Variants in PAFAH1B1 observed in about 807,000 individuals in gnomAD.
PAFAH1B1 encodes platelet-activating factor acetylhydrolase IB subunit beta.
A neutral mutation model predicts 57.5 loss-of-function variants in PAFAH1B1; 2 were observed. That is an observed-to-expected ratio of 0.03 (90% CI 0.01 to 0.11). The LOEUF is 0.11. Ranked by LOEUF, PAFAH1B1 falls within the 10% of genes least tolerant of loss-of-function variation. PAFAH1B1 has a pLI of 1.00. For missense variants in PAFAH1B1, 257 were observed against 512.0 expected (o/e 0.50, Z 4.81); for synonymous variants, 152 against 169.6 (o/e 0.90, Z 0.81).
chr17:2,653,969 C>T (rs1181717356), intron 2 of PAFAH1B1, among the ~76,000 whole-genome samples: 6 of 151,736 alleles, frequency 4.0e-5, no homozygotes, highest in South Asian at 2.1e-4. Context: ...CCACCATGCC[C>T]GGTTAATTTT....
chr17:2,595,580 C>G (rs1273437766), intron 1 of PAFAH1B1, among the ~76,000 whole-genome samples: 3 of 152,050 alleles, frequency 2.0e-5, no homozygotes, highest in Non-Finnish European at 4.4e-5. Context: ...CATTAGCTAG[C>G]TTTTAATCTC....
intron 2 of PAFAH1B1, among the ~76,000 whole-genome samples, chr17:2,663,973 G>A (rs984717442): frequency 1.3e-5 from 2 of 152,004 alleles, no homozygotes; most frequent in Non-Finnish European, 2.9e-5. Context: ...GATTACAGGC[G>A]TGAGCCACCG....
intron 1 of PAFAH1B1, among the ~76,000 whole-genome samples, chr17:2,626,060 G>GACCA (rs1045467715): frequency 1.3e-5 from 2 of 152,028 alleles, no homozygotes; most frequent in African/African-American, 4.8e-5. Context: ...GAACCAGCCT[G>GACCA]ACCAACATGG....
chr17:2,676,524 C>T lies in PAFAH1B1; in HGVS notation c.920C>T (p.Pro307Leu). The T allele has an allele frequency of 6.2e-7, 1 of 1,611,706 alleles. No individual in the cohort carries two copies. The highest frequency in any genetic ancestry group is 8.5e-7 in the Non-Finnish European group (1 of 1,178,214). ...TGSETKKSGK[P>L]GPFLLSGSRD... is the part of the protein sequence containing the mutation. ...CTGTAGACTAAAAAAAGTGGTAAAC[C>T]TGGGCCATTCTTGCTGTCTGGATCC... The change falls in exon 9 of 11, where the codon CCT (proline) becomes CTT (leucine). Residue 307 changes from proline (P) to leucine (L), a missense_variant. By Grantham distance (98) the Pro-to-Leu change is moderately conservative. Coordinates refer to ENST00000397195, the MANE Select transcript of PAFAH1B1 (RefSeq NM_000430.4).
chr17:2,613,252 C>A, intron 1 of PAFAH1B1: 1 of 182,918 alleles, frequency 5.5e-6, no homozygotes. Context: ...TTTGTGTGGC[C>A]CCACCCCCCA....
At chr17:2,638,456 T>C in intron 2 of PAFAH1B1, 136 bp downstream of exon 2, 1 of 706,142 alleles carries the variant, frequency 1.4e-6, no homozygotes, top group South Asian at 1.7e-5. Context: ...GTTTAGGCAG[T>C]TTGGTCTGAT....
intron 1 of PAFAH1B1, among the ~76,000 whole-genome samples, chr17:2,617,320 T>C (rs778143681): frequency 2.6e-5 from 4 of 152,204 alleles, no homozygotes; most frequent in African/African-American, 4.8e-5. Context: ...TCAAGGCTAA[T>C]CGTAAAATAG....
intron 2 of PAFAH1B1, among the ~76,000 whole-genome samples, chr17:2,658,868 G>A (rs1286633794): frequency 6.6e-6 from 1 of 152,196 alleles, no homozygotes; most frequent in East Asian, 1.9e-4. Context: ...GGGTACGTGA[G>A]GTTGGAGAAG....
intron 2 of PAFAH1B1, among the ~76,000 whole-genome samples, chr17:2,639,049 G>A (rs896312054): frequency 5.3e-5 from 8 of 152,008 alleles, no homozygotes; most frequent in African/African-American, 1.9e-4. Context: ...ACAGGTGACC[G>A]TCAACACGCC....
At chr17:2,662,777 C>T (rs902433194) in intron 2 of PAFAH1B1, among the ~76,000 whole-genome samples, 1 of 152,096 alleles carries the variant, frequency 6.6e-6, no homozygotes, top group African/African-American at 2.4e-5. Flanking sequence ...CTCTTTAATT[C>T]TAGTGACTGG....
rs1015851348 is a variant in PAFAH1B1, at chr17:2,684,100, C to T, written c.*2298C>T. On this transcript the variant is annotated 3_prime_UTR_variant, in exon 11 of 11. Transcript: ENST00000397195. ...AAAGTTATCCTTACTTGGGAGATTG[C>T]CACAGCCTGCTGCTGAGTTGAGTTA... 1 of 152,738 alleles carries T rather than the reference C, an allele frequency of 6.5e-6. No homozygotes were observed. The highest frequency in any genetic ancestry group is 6.5e-5 in the Admixed American group (1 of 15,294). The allele number at this position is 152,738 out of a possible 1,614,324, so 9.5% of individuals were successfully genotyped here.
chr17:2,600,997 G>A (rs2068136901), intron 1 of PAFAH1B1, among the ~76,000 whole-genome samples: 1 of 152,026 alleles, frequency 6.6e-6, no homozygotes, highest in Non-Finnish European at 1.5e-5. Context: ...GTCTGAAAGT[G>A]CTAGGATTAT....
At position 2,621,082 on chromosome 17, in the gene PAFAH1B1, TTC is replaced by T. The variant is rs200094400; in HGVS notation, c.-190-17015_-190-17014del. 2.3e-3 allele frequency among the ~76,000 whole-genome samples: 346 copies of T among 152,308 alleles called. 6 individuals are homozygous for T. The highest frequency in any genetic ancestry group is 0.019 in the Admixed American group (286 of 15,280). On this transcript the variant is annotated intron_variant, in intron 1 of 10. Coordinates refer to ENST00000397195, the MANE Select transcript of PAFAH1B1 (RefSeq NM_000430.4). ...ATAGTCATACATATTAATAAAAATC[TTC>T]TGTCTCATAAATGAATTTGAAAAAA...
Position 2,664,665 on chromosome 17 carries a change from G to GCGCGCTCT in PAFAH1B1, c.33-706_33-705insGCGCTCTC. 2.0e-3 allele frequency among the ~76,000 whole-genome samples: 171 copies of GCGCGCTCT among 86,058 alleles called. 3 individuals carry two copies. Among genetic ancestry groups the GCGCGCTCT allele is most frequent in the African/African-American group, 3.7e-3 (94 of 25,650 alleles). The allele number at this position is 86,058 out of a possible 152,430, so 56.5% of individuals were successfully genotyped here. A position where few individuals can be genotyped will look rare whatever the true frequency, so the allele number is the denominator to read the frequency against. Reference sequence around the variant, plus strand: ...TGATATATATCTATATCTATCTATCGCTCTCTCTCTCTCTCTCTCTCTCTC... The same window carrying GCGCGCTCT: ...TGATATATATCTATATCTATCTATCGCGCGCTCTCTCTCTCTCTCTCTCTCTCTCTCTC... On this transcript the variant is annotated intron_variant, in intron 2 of 10. Coordinates refer to ENST00000397195, the MANE Select transcript of PAFAH1B1 (RefSeq NM_000430.4).
chr17:2,638,804 G>A (rs948209781), intron 2 of PAFAH1B1, among the ~76,000 whole-genome samples: 1 of 152,126 alleles, frequency 6.6e-6, no homozygotes, highest in East Asian at 1.9e-4. Context: ...CACTTTGCCC[G>A]GCCGTGATAC....
Position 2,638,141 on chromosome 17 carries a change from T to G in PAFAH1B1, c.-148T>G. ...TGTTGAATATCTTCTGGTTACTAGT[T>G]GGATTCATTTGTGAAAGAATCATTT... On this transcript the variant is annotated 5_prime_UTR_variant, in exon 2 of 11. Transcript: ENST00000397195. 6 of 615,556 alleles carry G rather than the reference T, an allele frequency of 9.7e-6. No homozygotes were observed. The highest frequency in any genetic ancestry group is 1.5e-5 in the Non-Finnish European group (5 of 340,720). 38.1% of individuals were successfully genotyped at this position (615,556 alleles called of 1,614,324 possible).
At chr17:2,650,152 A>T (rs1369353292) in intron 2 of PAFAH1B1, among the ~76,000 whole-genome samples, 1 of 152,202 alleles carries the variant, frequency 6.6e-6, no homozygotes, top group Non-Finnish European at 1.5e-5. Context: ...TGGGAGGCCA[A>T]GGAGTTTGAG....
chr17:2,669,797 C>CT (rs753601732), intron 5 of PAFAH1B1, among the ~76,000 whole-genome samples: 2 of 152,104 alleles, frequency 1.3e-5, no homozygotes, highest in East Asian at 1.9e-4. Flanking sequence ...CTTTCCATCT[C>CT]TTTCTCTTTC....
chr17:2,655,896 A>AG (rs2068930252), intron 2 of PAFAH1B1, among the ~76,000 whole-genome samples: 1 of 152,110 alleles, frequency 6.6e-6, no homozygotes, highest in African/African-American at 2.4e-5. Flanking sequence ...GGTCAGCTGA[A>AG]GGATGGGATG....
Sources: gnomAD v4.1 joint callset for allele counts (sites outside exome capture counted in the v4.1 genomes callset) on GRCh38, gnomAD v4.1.1 for gene constraint, MANE v1.5 for transcripts, NCBI Gene and HGNC (gene_info 2026-07-23, HGNC 2026-07-21) for gene names.